CCDC144A: variants seen among roughly 807,000 people sequenced by gnomAD.
CCDC144A encodes coiled-coil domain-containing protein 144A.
CCDC144A carries 41 observed loss-of-function variants against 143.8 expected under a neutral mutation model. That is an observed-to-expected ratio of 0.29 (90% CI 0.22 to 0.37). CCDC144A has a LOEUF of 0.37. CCDC144A is among the 10% of genes least tolerant of loss of function. The pLI is 1.00. For synonymous variants in CCDC144A, 242 were observed against 517.9 expected (o/e 0.47, Z 7.23); for missense variants, 637 against 1,488.8 (o/e 0.43, Z 9.41).
At chr17:16,687,367 G>A (rs528551383), upstream of CCDC144A, among the ~76,000 whole-genome samples, 10 of 145,014 alleles carry the variant, frequency 6.9e-5, no homozygotes, top group East Asian at 6.6e-4. Context: ...GCCGCCCCCC[G>A]CAGGGATAAC....
At chr17:16,770,438 C>T (rs1310948540) in intron 15 of CCDC144A, among the ~76,000 whole-genome samples, 17 of 152,356 alleles carry the variant, frequency 1.1e-4, no homozygotes, top group South Asian at 4.1e-4. Flanking sequence ...TGTGAGCCAC[C>T]GTGCCCAGCC....
chr17:16,758,057 T>C (rs1377007573), intron 12 of CCDC144A, among the ~76,000 whole-genome samples: 2 of 152,204 alleles, frequency 1.3e-5, no homozygotes, highest in Admixed American at 6.5e-5. Flanking sequence ...GTTTTTCTTT[T>C]TGAAAGAGGT....
intron 12 of CCDC144A, among the ~76,000 whole-genome samples, chr17:16,748,286 G>C (rs1914631040): frequency 6.6e-6 from 1 of 151,856 alleles, no homozygotes. Flanking sequence ...TAATTTGTTG[G>C]GTGTTTTTTT....
chr17:16,755,269 A>G (rs1210420673), intron 12 of CCDC144A, among the ~76,000 whole-genome samples: 1 of 152,202 alleles, frequency 6.6e-6, no homozygotes, highest in Admixed American at 6.5e-5. Context: ...CCTTTCATTT[A>G]TTAATTGTTT....
intron 2 of CCDC144A, among the ~76,000 whole-genome samples, chr17:16,696,490 T>C (rs182987538): frequency 0.028 from 4,172 of 146,606 alleles, 142 homozygotes; most frequent in African/African-American, 0.048. Flanking sequence ...AAAAATTAGC[T>C]GGACGTGGTG....
chr17:16,707,561 TA>T lies in CCDC144A; in HGVS notation c.738+23del, dbSNP rs1912132475. 1 of 1,511,470 alleles carries T rather than the reference TA, an allele frequency of 6.6e-7. No homozygotes were observed. 93.6% of individuals were successfully genotyped at this position (1,511,470 alleles called of 1,614,324 possible). A position where few individuals can be genotyped will look rare whatever the true frequency, so the allele number is the denominator to read the frequency against. On this transcript the variant is annotated intron_variant, in intron 4 of 16. Transcript: ENST00000399273. ...GCCACAGGTGTGGAAACATTTAAAC[TA>T]AAATCTAAATTTCTGGTTTAATACT...
intron 12 of CCDC144A, among the ~76,000 whole-genome samples, chr17:16,757,402 A>G (rs1230656014): frequency 6.6e-6 from 1 of 152,196 alleles, no homozygotes; most frequent in East Asian, 1.9e-4. Flanking sequence ...CCCTGTCTTT[A>G]TGCTCCTGGA....
At position 16,734,775 on chromosome 17, in the gene CCDC144A, T is replaced by C. The variant is rs1223722924; in HGVS notation, c.2504T>C (p.Ile835Thr). Residue 835 changes from isoleucine to threonine, a missense_variant, in exon 12 of 17, where the codon ATA (isoleucine) becomes ACA (threonine). Physicochemically the swap from Ile to Thr is moderately conservative, Grantham distance 89. Transcript: ENST00000399273. The part of the protein sequence containing the change: ...QEEIALLRLE[I>T]DTIKNQNKQK... ...GAAATTGCCTTGCTGAGACTGGAAA[T>C]AGATACAATAAAAAATCAGAACAAG... 8 of 1,576,638 alleles carry C rather than the reference T, an allele frequency of 5.1e-6. No individual in the cohort carries two copies.
At chr17:16,746,702 C>T (rs1186987031) in intron 12 of CCDC144A, 7 of 1,611,840 alleles carry the variant, frequency 4.3e-6, no homozygotes, top group Non-Finnish European at 5.9e-6. Flanking sequence ...TGGCAGCGGG[C>T]GCAGCTGCTC....
At chr17:16,762,197 A>T in intron 13 of CCDC144A, 116 bp from the exon 14 acceptor site, 2 of 1,490,908 alleles carry the variant, frequency 1.3e-6, no homozygotes, top group Non-Finnish European at 1.8e-6. Flanking sequence ...TTGTTCTCTG[A>T]ATCACGTACT....
the CCDC144A span, among the ~76,000 whole-genome samples, chr17:16,681,901 A>C: frequency 1.3e-5 from 2 of 152,004 alleles, no homozygotes; most frequent in Non-Finnish European, 2.9e-5. Flanking sequence ...TGGAATTCTA[A>C]AAAATTGCAT....
chr17:16,772,060 A>G lies in CCDC144A; in HGVS notation c.4141+41A>G, dbSNP rs746943818. The G allele has an allele frequency of 4.7e-5, 67 of 1,431,166 alleles. No homozygotes were observed. The Admixed American group carries it at 1.3e-3, about 28-fold the overall frequency. The allele number at this position is 1,431,166 out of a possible 1,614,324, so 88.7% of individuals were successfully genotyped here. ...TTATGAATTAAATTTAGATTAAGTA[A>G]TATATATCTGAAATAAACTGCAAAC... is the stretch of plus-strand genomic sequence containing the variant. On this transcript the variant is annotated intron_variant, in intron 16 of 16. Coordinates refer to ENST00000399273, the MANE Select transcript of CCDC144A (RefSeq NM_001382000.1).
chr17:16,730,863 C>A (rs562629222), intron 9 of CCDC144A, among the ~76,000 whole-genome samples: 2 of 143,694 alleles, frequency 1.4e-5, no homozygotes, highest in Admixed American at 6.9e-5. Flanking sequence ...GAGACTTTTA[C>A]TGATTTCATT....
chr17:16,677,267 C>A, the CCDC144A span, among the ~76,000 whole-genome samples: 11 of 152,072 alleles, frequency 7.2e-5, no homozygotes, highest in Non-Finnish European at 1.2e-4. Flanking sequence ...TCTAAAGTTC[C>A]GTCTGTTCCA....
At chr17:16,692,119 A>G (rs1432134904) in intron 1 of CCDC144A, among the ~76,000 whole-genome samples, 5 of 152,218 alleles carry the variant, frequency 3.3e-5, no homozygotes, top group East Asian at 3.8e-4. Context: ...GTCAACTTGC[A>G]TGTCTTTCAT....
At chr17:16,708,687 T>C (rs1285350527) in intron 4 of CCDC144A, 109 bp from the exon 5 acceptor site, 3 of 1,155,068 alleles carry the variant, frequency 2.6e-6, no homozygotes, top group Non-Finnish European at 3.8e-6. Flanking sequence ...TTTTTCTTTG[T>C]TCATACCTGT....
At chr17:16,675,218 G>A in the CCDC144A span, among the ~76,000 whole-genome samples, 5 of 149,502 alleles carry the variant, frequency 3.3e-5, no homozygotes, top group South Asian at 6.4e-4. Context: ...GCAGTAAGCC[G>A]AGATGGTGCC....
At chr17:16,768,205 T>C (rs1915687516) in intron 15 of CCDC144A, among the ~76,000 whole-genome samples, 1 of 152,256 alleles carries the variant, frequency 6.6e-6, no homozygotes, top group African/African-American at 2.4e-5. Context: ...TACCCTTATC[T>C]TGTCTCCTGC....
In CCDC144A at chr17:16,762,307, T is replaced by G. The variant is rs772560824; in HGVS notation, c.3667-6T>G. ...TTTTAAAATGTTCCCTTTTAATTTATTTTAGAAACAAGCAGCAGTATCTCA... is the reference window on the plus strand; with the variant it reads ...TTTTAAAATGTTCCCTTTTAATTTAGTTTAGAAACAAGCAGCAGTATCTCA... On this transcript the variant is annotated splice_polypyrimidine_tract_variant and splice_region_variant and intron_variant, in intron 13 of 16. Transcript: ENST00000399273. 5 of 1,582,340 alleles carry G rather than the reference T, an allele frequency of 3.2e-6. No individual in the cohort carries two copies. In the South Asian group the frequency reaches 5.8e-5, roughly 18 times the overall value.
Sources: gnomAD v4.1 joint callset for allele counts (sites outside exome capture counted in the v4.1 genomes callset) on GRCh38, gnomAD v4.1.1 for gene constraint, MANE v1.5 for transcripts, NCBI Gene and HGNC (gene_info 2026-07-23, HGNC 2026-07-21) for gene names.